Variants in CABIN1 observed in about 807,000 individuals in gnomAD.
CABIN1 encodes the protein calcineurin-binding protein cabin-1.
Under a neutral mutation model 227.7 loss-of-function variants are expected in CABIN1, and 133 were observed. The ratio of observed to expected loss-of-function variants is 0.58; its 90% CI spans 0.51 to 0.67. CABIN1 has a LOEUF of 0.67. Ranked by LOEUF, CABIN1 falls within the 30% of genes least tolerant of loss-of-function variation. The pLI is 0.00. For synonymous variants in CABIN1, 1,086 were observed against 1,155.1 expected (o/e 0.94, Z 1.21); for missense variants, 2,408 against 2,852.5 (o/e 0.84, Z 3.55).
At chr22:24,063,236 ATGTGTGTGTGTGTGTG>A in intron 14 of CABIN1, 90 bp downstream of exon 14, 2 of 1,109,024 alleles carry the variant, frequency 1.8e-6, no homozygotes, top group East Asian at 5.0e-5. Flanking sequence ...GTGTGTGTGT[ATGTGTGTGTGTGTGTG>A]TGTGTGCATG....
At chr22:24,165,213 C>T (rs1351254320) in intron 30 of CABIN1, among the ~76,000 whole-genome samples, 1 of 152,222 alleles carries the variant, frequency 6.6e-6, no homozygotes, top group African/African-American at 2.4e-5. Flanking sequence ...GTTCAGGGGC[C>T]TCCAGCTGGG....
chr22:24,122,911 AC>A (rs1339009367), intron 28 of CABIN1, among the ~76,000 whole-genome samples: 1 of 151,964 alleles, frequency 6.6e-6, no homozygotes, highest in Non-Finnish European at 1.5e-5. Flanking sequence ...GTGGGATCAT[AC>A]CCCTTCTACT....
At chr22:24,145,811 C>T (rs2045077333) in intron 29 of CABIN1, among the ~76,000 whole-genome samples, 1 of 152,244 alleles carries the variant, frequency 6.6e-6, no homozygotes, top group African/African-American at 2.4e-5. Context: ...TTATCCCACT[C>T]TTTCCCCAAG....
intron 27 of CABIN1, among the ~76,000 whole-genome samples, chr22:24,114,647 A>G (rs2042988801): frequency 6.6e-6 from 1 of 152,200 alleles, no homozygotes; most frequent in Non-Finnish European, 1.5e-5. Flanking sequence ...TGGATGGGGA[A>G]AAACGCTGGT....
rs923998725 is a variant in CABIN1, at chr22:24,095,053, A to G, written c.3787-878A>G. On this transcript the variant is annotated intron_variant, in intron 24 of 36. Transcript: ENST00000263119. ...CATCTAAAAATGGAGTTGCTGGGCC[A>G]ATTTCTCTGGGCTCCATAGGTGGGC... is the stretch of plus-strand genomic sequence containing the variant. 3.3e-5 allele frequency among the ~76,000 whole-genome samples: 5 copies of G among 152,166 alleles called. No individual in the cohort carries two copies. The South Asian group carries it at 1.0e-3, about 32-fold the overall frequency.
chr22:24,028,189 A>T, intron 1 of CABIN1, among the ~76,000 whole-genome samples: 1 of 152,218 alleles, frequency 6.6e-6, no homozygotes, highest in East Asian at 1.9e-4. Context: ...TGACACAGAA[A>T]CCCAAAGTAA....
chr22:24,092,604 G>C (rs1038700389), intron 24 of CABIN1, among the ~76,000 whole-genome samples: 1 of 151,998 alleles, frequency 6.6e-6, no homozygotes, highest in South Asian at 2.1e-4. Flanking sequence ...CCAGTCTCAC[G>C]TGCCCAGCAA....
At chr22:24,151,563 A>G (rs924107489) in intron 29 of CABIN1, among the ~76,000 whole-genome samples, 1 of 152,068 alleles carries the variant, frequency 6.6e-6, no homozygotes, top group African/African-American at 2.4e-5. Flanking sequence ...AGAGTGGGCT[A>G]TTCTAGAAGC....
At position 24,038,430 on chromosome 22, in the gene CABIN1, AT is replaced by A; in HGVS notation, c.180del (p.His60GlnfsTer22). The A allele has an allele frequency of 6.2e-7, 1 of 1,614,008 alleles. No homozygotes were observed. Among genetic ancestry groups the A allele is most frequent in the Admixed American group, 1.7e-5 (1 of 60,024 alleles). ...TTTGAGGAGTCTGCCAAAGCCTACCATGAGCTCTTGGAGGCGAGCCTGCTGC... is the reference window on the plus strand; with the variant it reads ...TTTGAGGAGTCTGCCAAAGCCTACCAGAGCTCTTGGAGGCGAGCCTGCTGC... ...DRFEESAKAYHELLEASLLRE... is the reference protein window; with the variant it reads ...DRFEESAKAYXELLEASLLRE... On this transcript the variant is annotated frameshift_variant, in exon 4 of 37. Transcript: ENST00000263119. LOFTEE classifies it high-confidence loss of function.
intron 28 of CABIN1, among the ~76,000 whole-genome samples, chr22:24,133,047 T>A (rs368049609): frequency 6.6e-6 from 1 of 152,214 alleles, no homozygotes; most frequent in Admixed American, 6.5e-5. Context: ...GAGGACCCTT[T>A]TGCTGCCCAG....
intron 1 of CABIN1, among the ~76,000 whole-genome samples, chr22:24,030,742 C>A (rs1200173923): frequency 5.3e-5 from 8 of 152,062 alleles, no homozygotes; most frequent in Non-Finnish European, 2.9e-5. Context: ...AGGGATTGGG[C>A]TGGGGCAGGG....
chr22:24,150,415 G>C (rs1242106094), intron 29 of CABIN1, among the ~76,000 whole-genome samples: 1 of 152,200 alleles, frequency 6.6e-6, no homozygotes, highest in Admixed American at 6.5e-5. Flanking sequence ...AGTTTGCAGC[G>C]TGAGGGTCCC....
At chr22:24,076,037 G>T in intron 18 of CABIN1, 132 bp from the exon 19 acceptor site, 1 of 622,172 alleles carries the variant, frequency 1.6e-6, no homozygotes. Flanking sequence ...AAAAAAAAAA[G>T]GGAAAGGAAA....
At chr22:24,161,849 G>A (rs1369855904) in intron 29 of CABIN1, among the ~76,000 whole-genome samples, 1 of 152,118 alleles carries the variant, frequency 6.6e-6, no homozygotes, top group Non-Finnish European at 1.5e-5. Flanking sequence ...ACCAGGTGAA[G>A]CAGGGGCTGT....
chr22:24,136,366 T>G (rs1443695353), intron 29 of CABIN1, among the ~76,000 whole-genome samples: 2 of 146,112 alleles, frequency 1.4e-5, no homozygotes, highest in African/African-American at 5.1e-5. Context: ...TTTTTTTTTT[T>G]TTTTGAGACA....
chr22:24,163,148 A>G (rs1274626012), intron 29 of CABIN1, among the ~76,000 whole-genome samples: 2 of 152,134 alleles, frequency 1.3e-5, no homozygotes, highest in Non-Finnish European at 2.9e-5. Context: ...ACTGCCAGGA[A>G]GTAGAAGGTG....
At chr22:24,131,950 C>T (rs2044100130) in intron 28 of CABIN1, among the ~76,000 whole-genome samples, 1 of 151,940 alleles carries the variant, frequency 6.6e-6, no homozygotes, top group South Asian at 2.1e-4. Context: ...CCTGTAGTCC[C>T]AGCTACTCAG....
intron 1 of CABIN1, among the ~76,000 whole-genome samples, chr22:24,024,651 A>T (rs2035956068): frequency 6.6e-6 from 1 of 152,168 alleles, no homozygotes; most frequent in South Asian, 2.1e-4. Context: ...TATGATACAT[A>T]CGTTAGTTTT....
intron 29 of CABIN1, among the ~76,000 whole-genome samples, chr22:24,158,324 G>T (rs918537353): frequency 6.6e-6 from 1 of 152,178 alleles, no homozygotes; most frequent in Non-Finnish European, 1.5e-5. Flanking sequence ...CCACTCTCGT[G>T]GTCCCCTCTG....
Sources: gnomAD v4.1 joint callset for allele counts (sites outside exome capture counted in the v4.1 genomes callset) on GRCh38, gnomAD v4.1.1 for gene constraint, MANE v1.5 for transcripts, NCBI Gene and HGNC (gene_info 2026-07-23, HGNC 2026-07-21) for gene names.